The following TBC1D8 variants were observed in gnomAD, a reference collection of about 807,000 sequenced individuals.
The protein encoded by TBC1D8 is BUB2-like protein 1.
A neutral mutation model predicts 118.8 loss-of-function variants in TBC1D8; 65 were observed. The ratio of observed to expected loss-of-function variants is 0.55; its 90% CI spans 0.45 to 0.67. TBC1D8 has a LOEUF of 0.67. TBC1D8 is among the 30% of genes least tolerant of loss of function. The pLI is 0.00. For missense variants in TBC1D8, 1,376 were observed against 1,471.2 expected (o/e 0.94, Z 1.06); for synonymous variants, 566 against 595.8 (o/e 0.95, Z 0.73).
At chr2:101,026,202 A>C (rs963957322) in intron 15 of TBC1D8, among the ~76,000 whole-genome samples, 4 of 149,438 alleles carry the variant, frequency 2.7e-5, no homozygotes, top group African/African-American at 9.7e-5. Flanking sequence ...TAAATAAATC[A>C]AAGTCTTTTT....
rs368523576 is a variant in TBC1D8 at position 101,024,505 on chromosome 2, C to T, written c.2521-1984G>A. Among the ~76,000 whole-genome samples the T allele has an allele frequency of 8.9e-4, 132 of 148,714 alleles. 2 individuals are homozygous for T. The highest frequency in any genetic ancestry group is 3.2e-3 in the African/African-American group (127 of 40,194). On this transcript the variant is annotated intron_variant, in intron 15 of 19. Coordinates refer to ENST00000409318, the MANE Select transcript of TBC1D8 (RefSeq NM_001330348.2). ...CACTGCAACCTCTGCCTCCCAGGTT[C>T]AAGCAATTCTCCTGCCTCAGCCTCC... is the stretch of plus-strand genomic sequence containing the variant.
Position 101,011,547 on chromosome 2 carries a change from A to C in TBC1D8, c.2828-7T>G. 1 of 1,613,966 alleles carries C rather than the reference A, an allele frequency of 6.2e-7. No homozygotes were observed. Among genetic ancestry groups the C allele is most frequent in the Non-Finnish European group, 8.5e-7 (1 of 1,179,862 alleles). On this transcript the variant is annotated splice_region_variant and splice_polypyrimidine_tract_variant and intron_variant, in intron 17 of 19. Transcript: ENST00000409318. ...CGGTCATTTTCAGTGAGTGCTTAAAAAAAGATGAGAGGTTTAAATTAAACA... is the reference window on the plus strand; with the variant it reads ...CGGTCATTTTCAGTGAGTGCTTAAACAAAGATGAGAGGTTTAAATTAAACA...
At chr2:101,051,651 G>A (rs554117281) in intron 4 of TBC1D8, among the ~76,000 whole-genome samples, 7 of 151,824 alleles carry the variant, frequency 4.6e-5, no homozygotes, top group South Asian at 2.1e-4. Flanking sequence ...CAAAGGACAC[G>A]AACAGACACT....
intron 1 of TBC1D8, among the ~76,000 whole-genome samples, chr2:101,115,467 T>A (rs1290673785): frequency 6.6e-6 from 1 of 152,196 alleles, no homozygotes; most frequent in Non-Finnish European, 1.5e-5. Flanking sequence ...AGATTCTGAA[T>A]CTGCCAGGAG....
At chr2:101,080,337 G>C (rs1558683380) in intron 2 of TBC1D8, among the ~76,000 whole-genome samples, 1 of 152,018 alleles carries the variant, frequency 6.6e-6, no homozygotes, top group Non-Finnish European at 1.5e-5. Flanking sequence ...GACTTTCCTT[G>C]AAGCACCCAG....
At chr2:101,134,810 C>T (rs1678768708) in intron 1 of TBC1D8, among the ~76,000 whole-genome samples, 1 of 152,212 alleles carries the variant, frequency 6.6e-6, no homozygotes. Context: ...CATAACTTAA[C>T]TTTTGGTATT....
intron 15 of TBC1D8, among the ~76,000 whole-genome samples, chr2:101,025,155 C>T (rs1035585667): frequency 2.0e-5 from 3 of 151,918 alleles, no homozygotes; most frequent in South Asian, 2.1e-4. Context: ...TGGAAAGATA[C>T]GCACATTGTT....
intron 2 of TBC1D8, among the ~76,000 whole-genome samples, chr2:101,060,792 A>AG (rs919710390): frequency 6.6e-6 from 1 of 152,192 alleles, no homozygotes; most frequent in Non-Finnish European, 1.5e-5. Context: ...AATGGGAAGC[A>AG]GGAGATATTC....
chr2:101,025,418 G>A (rs546073261), intron 15 of TBC1D8, among the ~76,000 whole-genome samples: 1 of 152,254 alleles, frequency 6.6e-6, no homozygotes, highest in Admixed American at 6.5e-5. Context: ...GTAGAGACAG[G>A]TTTTCACGAT....
At chr2:101,119,502 C>G (rs1249047243) in intron 1 of TBC1D8, among the ~76,000 whole-genome samples, 1 of 152,180 alleles carries the variant, frequency 6.6e-6, no homozygotes, top group African/African-American at 2.4e-5. Context: ...GATGTGGTTG[C>G]ATTAACTCCC....
chr2:101,054,602 ATGAGGCTCTGGGCAAATCATTTGACTTCT>A lies in TBC1D8; in HGVS notation c.403-295_403-267del, dbSNP rs1235254229. ...TCTCTCACTCGGCCACTTACCGATC[ATGAGGCTCTGGGCAAATCATTTGACTTCT>A]AAGCCCGGTTCTCAAACAAACAATC... is the stretch of plus-strand genomic sequence containing the variant. On this transcript the variant is annotated intron_variant, in intron 3 of 19. Coordinates refer to ENST00000409318, the MANE Select transcript of TBC1D8 (RefSeq NM_001330348.2). 7.3e-5 allele frequency among the ~76,000 whole-genome samples: 11 copies of A among 149,914 alleles called. No homozygotes were observed. In the East Asian group the frequency reaches 2.0e-3, roughly 27 times the overall value.
At chr2:101,115,902 C>T (rs1677797735) in intron 1 of TBC1D8, among the ~76,000 whole-genome samples, 1 of 152,110 alleles carries the variant, frequency 6.6e-6, no homozygotes, top group Non-Finnish European at 1.5e-5. Context: ...GCCAGCAAGG[C>T]CAGCCACCAG....
chr2:101,086,519 A>G (rs540461442), intron 2 of TBC1D8, among the ~76,000 whole-genome samples: 6 of 152,180 alleles, frequency 3.9e-5, no homozygotes, highest in African/African-American at 1.2e-4. Flanking sequence ...CTAAACTTCA[A>G]TGATAAAGAC....
At chr2:101,014,536 G>A (rs1230982658) in intron 17 of TBC1D8, among the ~76,000 whole-genome samples, 1 of 152,146 alleles carries the variant, frequency 6.6e-6, no homozygotes, top group Non-Finnish European at 1.5e-5. Flanking sequence ...TAGAATGACT[G>A]TTTTTTCCCT....
Position 101,028,873 on chromosome 2 carries a change from G to A in TBC1D8, c.2223-441C>T, listed in dbSNP as rs1680506527. On this transcript the variant is annotated intron_variant, in intron 12 of 19. Transcript: ENST00000409318. ...TAGCTGGCTGCCTGATGCCCATGAT[G>A]CCTGGTGTCCCCCGAGCCCTGTTCA... is the stretch of plus-strand genomic sequence containing the variant. Among the ~76,000 whole-genome samples, 3 of 152,294 alleles carry A rather than the reference G, an allele frequency of 2.0e-5. No homozygotes were observed. The South Asian group carries it at 6.2e-4, about 32-fold the overall frequency.
chr2:101,095,501 T>C (rs973912653), intron 1 of TBC1D8, among the ~76,000 whole-genome samples: 5 of 145,008 alleles, frequency 3.4e-5, no homozygotes, highest in East Asian at 4.4e-4. Context: ...AAACATGCGG[T>C]GTTTGGTTTT....
chr2:101,143,474 TGC>T (rs1179527220), intron 1 of TBC1D8, among the ~76,000 whole-genome samples: 9 of 152,264 alleles, frequency 5.9e-5, no homozygotes, highest in Admixed American at 2.0e-4. Flanking sequence ...CATACACATG[TGC>T]TTGTTGGCTG....
chr2:101,056,475 C>T (rs971221354), intron 3 of TBC1D8, among the ~76,000 whole-genome samples: 17 of 152,084 alleles, frequency 1.1e-4, no homozygotes, highest in African/African-American at 1.7e-4. Context: ...GGATTATAGG[C>T]GTGAGCCACC....
At chr2:101,011,070 T>G (rs748162384) in intron 18 of TBC1D8, 44 bp from the exon 19 acceptor site, 1 of 1,580,748 alleles carries the variant, frequency 6.3e-7, no homozygotes, top group South Asian at 1.1e-5. Flanking sequence ...TTAAATAAAT[T>G]CAGTGACAGC....
Sources: gnomAD v4.1 joint callset for allele counts (sites outside exome capture counted in the v4.1 genomes callset) on GRCh38, gnomAD v4.1.1 for gene constraint, MANE v1.5 for transcripts, NCBI Gene and HGNC (gene_info 2026-07-23, HGNC 2026-07-21) for gene names.